Variants in FAM241A observed in about 807,000 individuals in gnomAD.
The protein encoded by FAM241A is uncharacterized protein FAM241A.
Under a neutral mutation model 12.2 loss-of-function variants are expected in FAM241A, and 7 were observed. The ratio of observed to expected loss-of-function variants is 0.58; its 90% CI spans 0.33 to 1.08. The LOEUF is 1.08. FAM241A is among the 50% of genes least tolerant of loss of function. FAM241A has a pLI of 0.04. For missense variants in FAM241A, 161 were observed against 169.7 expected, an observed-to-expected ratio of 0.95 and a Z score of 0.29; for synonymous variants, 74 against 68.2, an observed-to-expected ratio of 1.08 and a Z score of -0.42.
chr4:112,185,505 A>G (rs1193209619), intron 1 of FAM241A, among the ~76,000 whole-genome samples: 2 of 152,242 alleles, frequency 1.3e-5, no homozygotes, highest in African/African-American at 2.4e-5. Flanking sequence ...TTTAAAAACC[A>G]CTGCACTAAA....
chr4:112,161,072 T>A (rs184616938), intron 1 of FAM241A, among the ~76,000 whole-genome samples: 4 of 152,056 alleles, frequency 2.6e-5, no homozygotes, highest in Non-Finnish European at 1.5e-5. Flanking sequence ...TCACATGAAG[T>A]TAAAAAGCTG....
rs1316147674 is a variant in FAM241A, at chr4:112,186,998, T to C, written c.*60T>C. ...GCCATATATGTAATTGAAGAAGTTATATATTTCACTTTTTGACAACCGAAA... is the reference window on the plus strand; with the variant it reads ...GCCATATATGTAATTGAAGAAGTTACATATTTCACTTTTTGACAACCGAAA... On this transcript the variant is annotated 3_prime_UTR_variant, in exon 2 of 2. Transcript: ENST00000309733. 39 of 1,539,726 alleles carry C rather than the reference T, an allele frequency of 2.5e-5. No homozygotes were observed. The highest frequency in any genetic ancestry group is 3.1e-5 in the Non-Finnish European group (35 of 1,143,296).
At position 112,191,730 on chromosome 4, in the gene FAM241A, G is replaced by A. The variant is rs1483593175; in HGVS notation, c.*4792G>A. On this transcript the variant is annotated 3_prime_UTR_variant, in exon 2 of 2. Transcript: ENST00000309733. ...TCTGACTCCTTTAAATCCAGTTTTG[G>A]TTCTTCATTATGGCTTGGTTTCTCA... 1 of 152,088 alleles carries A rather than the reference G, an allele frequency of 6.6e-6. No individual in the cohort carries two copies. Among genetic ancestry groups the A allele is most frequent in the Non-Finnish European group, 1.5e-5 (1 of 68,062 alleles). The allele number at this position is 152,088 out of a possible 1,614,324, so 9.4% of individuals were successfully genotyped here.
intron 1 of FAM241A, among the ~76,000 whole-genome samples, chr4:112,154,342 A>G (rs1723307961): frequency 6.6e-6 from 1 of 152,160 alleles, no homozygotes; most frequent in Admixed American, 6.5e-5. Flanking sequence ...ATCTCAGCTC[A>G]CTGCAACCTC....
intron 1 of FAM241A, among the ~76,000 whole-genome samples, chr4:112,147,287 G>T (rs1281160018): frequency 2.6e-5 from 4 of 152,068 alleles, no homozygotes; most frequent in East Asian, 3.9e-4. Flanking sequence ...TCATTCTCCT[G>T]TACTCCTTTG....
intron 1 of FAM241A, among the ~76,000 whole-genome samples, chr4:112,176,970 T>C (rs954331126): frequency 6.6e-6 from 1 of 152,218 alleles, no homozygotes; most frequent in Non-Finnish European, 1.5e-5. Flanking sequence ...TGTGAAGTCT[T>C]ATGGGTTTGC....
intron 1 of FAM241A, among the ~76,000 whole-genome samples, chr4:112,167,927 C>A (rs1723633584): frequency 6.6e-6 from 1 of 152,154 alleles, no homozygotes. Flanking sequence ...ACATCAAGAA[C>A]CAGTGTGTGG....
chr4:112,168,696 C>G (rs1346319148), intron 1 of FAM241A, among the ~76,000 whole-genome samples: 1 of 151,674 alleles, frequency 6.6e-6, no homozygotes, highest in Non-Finnish European at 1.5e-5. Context: ...CAGTGTTTGG[C>G]TGTTGTTGCC....
rs28502301 is a variant in FAM241A, at chr4:112,154,675, T to A, written c.153+8942T>A. Among the ~76,000 whole-genome samples, 912 of 152,142 alleles carry A rather than the reference T, an allele frequency of 6.0e-3. 4 individuals carry two copies. Among genetic ancestry groups the A allele is most frequent in the Middle Eastern group, 0.037 (11 of 294 alleles). On this transcript the variant is annotated intron_variant, in intron 1 of 1. Coordinates refer to ENST00000309733, the MANE Select transcript of FAM241A (RefSeq NM_152400.3). ...TCACCAGAGATTTCATATTTTTTTT[T>A]AAAAAAGTAGATTCTTGAAAAAGTA...
intron 1 of FAM241A, among the ~76,000 whole-genome samples, chr4:112,163,998 G>C (rs1489954242): frequency 1.3e-5 from 2 of 152,048 alleles, no homozygotes; most frequent in East Asian, 3.9e-4. Flanking sequence ...ATCATTCGGA[G>C]CAAACTGTTG....
rs577291538 is a variant in FAM241A, at chr4:112,180,321, C to G, written c.154-6372C>G. Among the ~76,000 whole-genome samples, 3 of 152,190 alleles carry G rather than the reference C, an allele frequency of 2.0e-5. No individual in the cohort carries two copies. The South Asian group carries it at 6.2e-4, about 32-fold the overall frequency. ...AGCATCATGCAGTATACCCTTGTAA[C>G]AAACCTGCACATGTGCCTCCTGTAT... is the stretch of plus-strand genomic sequence containing the variant. On this transcript the variant is annotated intron_variant, in intron 1 of 1. Transcript: ENST00000309733.
In FAM241A at chr4:112,193,005, C is replaced by A. The variant is rs1314868073; in HGVS notation, c.*6067C>A. 1 of 149,088 alleles carries A rather than the reference C, an allele frequency of 6.7e-6. No homozygotes were observed. Among genetic ancestry groups the A allele is most frequent in the African/African-American group, 2.5e-5 (1 of 40,002 alleles). 9.2% of individuals were successfully genotyped at this position (149,088 alleles called of 1,614,324 possible). ...CTATTTCTCCACATCCTCTCCAGCA[C>A]CTGTTGTTTCCTGACTTTTTAATGA... On this transcript the variant is annotated 3_prime_UTR_variant, in exon 2 of 2. Transcript: ENST00000309733.
chr4:112,166,225 ATT>A (rs902065571), intron 1 of FAM241A, among the ~76,000 whole-genome samples: 1 of 138,244 alleles, frequency 7.2e-6, no homozygotes. Context: ...ATTTTTTTGT[ATT>A]TTTTTTTTTT....
chr4:112,145,880 C>T, intron 1 of FAM241A, 147 bp downstream of exon 1: 4 of 383,966 alleles, frequency 1.0e-5, no homozygotes, highest in Non-Finnish European at 1.5e-5. Flanking sequence ...GGGAAGTCGT[C>T]GCCGGGAGCG....
Position 112,146,197 on chromosome 4 carries a change from G to A in FAM241A, c.153+464G>A, listed in dbSNP as rs530737024. On this transcript the variant is annotated intron_variant, in intron 1 of 1. Coordinates refer to ENST00000309733, the MANE Select transcript of FAM241A (RefSeq NM_152400.3). ...CCCACACCTAGCGTGTCTGGAAGGTGTGGGTGGATTCCGTCCACGGGCAGC... is the reference window on the plus strand; with the variant it reads ...CCCACACCTAGCGTGTCTGGAAGGTATGGGTGGATTCCGTCCACGGGCAGC... Among the ~76,000 whole-genome samples, 20 of 152,306 alleles carry A rather than the reference G, an allele frequency of 1.3e-4. 1 individual carries two copies. The East Asian group carries it at 3.7e-3, about 28-fold the overall frequency.
rs539026723 is a variant in FAM241A at position 112,163,320 on chromosome 4, A to C, written c.153+17587A>C. Among the ~76,000 whole-genome samples the C allele has an allele frequency of 3.2e-3, 487 of 152,336 alleles. 3 individuals are homozygous for C. Among genetic ancestry groups the C allele is most frequent in the African/African-American group, 0.011 (438 of 41,580 alleles). Reference sequence around the variant, plus strand: ...CAAAATTGACAAATGGGATCTAATTAAACTAAAGAGCTTCTGCACAGCAAA... The same window carrying C: ...CAAAATTGACAAATGGGATCTAATTCAACTAAAGAGCTTCTGCACAGCAAA... On this transcript the variant is annotated intron_variant, in intron 1 of 1. Transcript: ENST00000309733.
Position 112,190,698 on chromosome 4 carries a change from CAA to C in FAM241A, c.*3775_*3776del, listed in dbSNP as rs969099285. The C allele has an allele frequency of 4.1e-4, 37 of 90,386 alleles. No homozygotes were observed. The highest frequency in any genetic ancestry group is 7.2e-4 in the Admixed American group (6 of 8,346). The allele number at this position is 90,386 out of a possible 1,614,324, so 5.6% of individuals were successfully genotyped here. On this transcript the variant is annotated 3_prime_UTR_variant, in exon 2 of 2. Coordinates refer to ENST00000309733, the MANE Select transcript of FAM241A (RefSeq NM_152400.3). The stretch of plus-strand genomic sequence containing the variant: ...GGGCAACAAGAGCGAAACTCCATCT[CAA>C]AAAAAAAAAAAAAAGACTTTCATGC...
chr4:112,154,668 T>C (rs1037966849), intron 1 of FAM241A, among the ~76,000 whole-genome samples: 4 of 152,140 alleles, frequency 2.6e-5, no homozygotes, highest in African/African-American at 9.6e-5. Flanking sequence ...GATTTCATAT[T>C]TTTTTTTAAA....
chr4:112,173,345 C>G (rs1185952611), intron 1 of FAM241A, among the ~76,000 whole-genome samples: 2 of 152,044 alleles, frequency 1.3e-5, no homozygotes, highest in African/African-American at 4.8e-5. Flanking sequence ...AAAAGTTTTT[C>G]TAAAAAATAG....
Sources: allele counts gnomAD v4.1 joint callset (sites outside exome capture counted in the v4.1 genomes callset), GRCh38; gene constraint gnomAD v4.1.1; transcripts MANE v1.5; gene names NCBI Gene and HGNC (gene_info 2026-07-23, HGNC 2026-07-21).